The following CACNA2D4 variants were observed in gnomAD, a reference collection of about 807,000 sequenced individuals.
CACNA2D4 encodes the protein voltage-dependent calcium channel subunit alpha-2/delta-4.
Under a neutral mutation model 163.8 loss-of-function variants are expected in CACNA2D4, and 157 were observed. The observed-to-expected ratio is 0.96, with a 90% CI of 0.84 to 1.09. The LOEUF (loss-of-function observed/expected upper bound fraction) is 1.09. CACNA2D4 is among the 50% of genes least tolerant of loss of function. CACNA2D4 has a pLI of 0.00. For synonymous variants in CACNA2D4, 598 were observed against 586.9 expected (o/e 1.02, Z -0.27); for missense variants, 1,410 against 1,479.9 (o/e 0.95, Z 0.78).
chr12:1,903,094 G>A (rs1375405194), intron 6 of CACNA2D4, among the ~76,000 whole-genome samples: 3 of 152,080 alleles, frequency 2.0e-5, no homozygotes, highest in Non-Finnish European at 4.4e-5. Context: ...CTACAAAGGT[G>A]CCAAGTACAC....
intron 26 of CACNA2D4, among the ~76,000 whole-genome samples, chr12:1,817,316 G>C (rs1863907540): frequency 6.6e-6 from 1 of 152,206 alleles, no homozygotes; most frequent in African/African-American, 2.4e-5. Context: ...AGAGTCTGGA[G>C]TCTGGGTCCC....
intron 26 of CACNA2D4, among the ~76,000 whole-genome samples, chr12:1,821,923 A>T (rs1864120189): frequency 6.7e-6 from 1 of 149,106 alleles, no homozygotes; most frequent in Admixed American, 6.7e-5. Flanking sequence ...CTCAGATGAC[A>T]CCCCTGCAGC....
At chr12:1,811,783 A>T in intron 26 of CACNA2D4, 60 bp from the exon 27 acceptor site, 1 of 1,506,594 alleles carries the variant, frequency 6.6e-7, no homozygotes, top group Non-Finnish European at 9.0e-7. Context: ...AAAAAAATAG[A>T]GTCAAGTTAA....
chr12:1,804,153 G>A (rs1863436479), intron 29 of CACNA2D4, among the ~76,000 whole-genome samples: 2 of 151,824 alleles, frequency 1.3e-5, no homozygotes, highest in Middle Eastern at 3.4e-3. Context: ...GTGTGTGTGT[G>A]TGTGTGTGTG....
chr12:1,896,525 C>T (rs914301733), intron 6 of CACNA2D4, among the ~76,000 whole-genome samples: 1 of 151,686 alleles, frequency 6.6e-6, no homozygotes, highest in African/African-American at 2.4e-5. Context: ...AAAAAATGCT[C>T]AATATCACGA....
chr12:1,811,805 G>A (rs1395600911), intron 26 of CACNA2D4, 82 bp from the exon 27 acceptor site: 6 of 1,342,674 alleles, frequency 4.5e-6, no homozygotes, highest in Middle Eastern at 1.8e-4. Context: ...GAGAGGAGGT[G>A]CTTCCGCAGG....
At chr12:1,882,822 A>G in intron 13 of CACNA2D4, 45 bp downstream of exon 13, 1 of 1,608,780 alleles carries the variant, frequency 6.2e-7, no homozygotes. Context: ...GGGGTCCCTA[A>G]CTCTGAGGTG....
rs961730912 is a variant in CACNA2D4 at position 1,811,721 on chromosome 12, C to T, written c.2554G>A (p.Ala852Thr). Residue 852 changes from alanine to threonine, a missense_variant and splice_region_variant, in exon 27 of 38, where the codon GCG (alanine) becomes ACG (threonine). By Grantham distance (58) the Ala-to-Thr change is moderately conservative (BLOSUM62 0). Coordinates refer to ENST00000382722, the MANE Select transcript of CACNA2D4 (RefSeq NM_172364.5). ...AATTCCAGCTTCATTTGGACGCCCG[C>T]GGCTACAGGGCAGAAAGAGAGAGGG... is the stretch of plus-strand genomic sequence containing the variant. The part of the protein sequence containing the change: ...VDKRTAIAAA[A>T]GVQMKLEFLQ... 30 of 1,558,538 alleles carry T rather than the reference C, an allele frequency of 1.9e-5. No homozygotes were observed. Among genetic ancestry groups the T allele is most frequent in the Admixed American group, 1.9e-4 (10 of 52,300 alleles).
chr12:1,827,993 A>G (rs1864424657), intron 26 of CACNA2D4: 2 of 527,678 alleles, frequency 3.8e-6, no homozygotes, highest in East Asian at 3.3e-5. Context: ...GAGTGTAAAG[A>G]GACACCCGGG....
chr12:1,889,853 A>G (rs1346305712), intron 6 of CACNA2D4, among the ~76,000 whole-genome samples: 1 of 152,238 alleles, frequency 6.6e-6, no homozygotes, highest in Non-Finnish European at 1.5e-5. Context: ...ATAGACTTCA[A>G]GATGGCTGAC....
chr12:1,795,293 C>T lies in CACNA2D4; in HGVS notation c.3309+6G>A, dbSNP rs778274349. ...CAGCCCACCCTCGATCCGCCTCAAC[C>T]CGCACCTCTGGATGGAAGGCGTGGC... On this transcript the variant is annotated splice_donor_region_variant and intron_variant, in intron 37 of 37. Transcript: ENST00000382722. The T allele has an allele frequency of 8.1e-6, 13 of 1,612,910 alleles. No homozygotes were observed. Among genetic ancestry groups the T allele is most frequent in the African/African-American group, 8.0e-5 (6 of 74,924 alleles).
At position 1,828,858 on chromosome 12, in the gene CACNA2D4, C is replaced by T. The variant is rs1864487083; in HGVS notation, c.2551+11881G>A. ...AATGAAGGCAACACTTGGCAGCTGT[C>T]AGGGTGAAAGGAGCCCTGAGAATTC... is the stretch of plus-strand genomic sequence containing the variant. On this transcript the variant is annotated intron_variant, in intron 26 of 37. Transcript: ENST00000382722. This position sits in a 1 kb window ranked among gnomAD's most constrained non-coding sequence, Gnocchi z 4.2. Among the ~76,000 whole-genome samples, 1 of 152,166 alleles carries T rather than the reference C, an allele frequency of 6.6e-6. No individual in the cohort carries two copies. The highest frequency in any genetic ancestry group is 1.5e-5 in the Non-Finnish European group (1 of 68,046).
chr12:1,826,124 T>C (rs926807128), intron 26 of CACNA2D4, among the ~76,000 whole-genome samples: 6 of 152,016 alleles, frequency 3.9e-5, no homozygotes, highest in Non-Finnish European at 8.8e-5. Context: ...GCCGTCACAA[T>C]AGACCTGCTG....
chr12:1,831,603 G>A, intron 26 of CACNA2D4: 4 of 1,264,600 alleles, frequency 3.2e-6, no homozygotes, highest in Non-Finnish European at 4.5e-6. Context: ...CCTGGTGGCT[G>A]GGTGCTGACT....
At chr12:1,914,777 C>T in intron 2 of CACNA2D4, 77 bp downstream of exon 2, 1 of 957,328 alleles carries the variant, frequency 1.0e-6, no homozygotes, top group South Asian at 1.3e-5. Context: ...AGGCCCCTCA[C>T]AGCACCGGCA....
At chr12:1,795,569 G>T in intron 36 of CACNA2D4, 99 bp downstream of exon 36, 2 of 958,136 alleles carry the variant, frequency 2.1e-6, no homozygotes, top group Non-Finnish European at 1.7e-6. Flanking sequence ...GGACACGGGC[G>T]GTGAAGGAGG....
Position 1,875,281 on chromosome 12 carries a change from G to A in CACNA2D4, c.1776C>T (p.Ser592=), listed in dbSNP as rs1453615528. 11 of 1,587,872 alleles carry A rather than the reference G, an allele frequency of 6.9e-6. No homozygotes were observed. The highest frequency in any genetic ancestry group is 3.5e-5 in the Admixed American group (2 of 57,908). The change falls in exon 17 of 38, where the codon TCC becomes TCT. Residue 592 remains serine (S), a synonymous_variant. Transcript: ENST00000382722. This position sits in a 1 kb window ranked among gnomAD's most constrained non-coding sequence, Gnocchi z 4.0. Reference sequence around the variant, plus strand: ...CAGCCTGGTCTTCCCACTCCACTTCGGAGAGATCCACACTGTTGTAGTTAG... The same window carrying A: ...CAGCCTGGTCTTCCCACTCCACTTCAGAGAGATCCACACTGTTGTAGTTAG... ...PKPNYNSVDL[S]EVEWEDQAES...
At chr12:1,830,979 A>C (rs1298272121) in intron 26 of CACNA2D4, 4 of 1,613,270 alleles carry the variant, frequency 2.5e-6, no homozygotes, top group Non-Finnish European at 3.4e-6. Flanking sequence ...GGCCCTCCCC[A>C]CCTGCCCTTT....
rs1297103277 is a variant in CACNA2D4 at position 1,829,670 on chromosome 12, C to T, written c.2551+11069G>A. Among the ~76,000 whole-genome samples, 1 of 150,720 alleles carries T rather than the reference C, an allele frequency of 6.6e-6. No homozygotes were observed. Among genetic ancestry groups the T allele is most frequent in the Non-Finnish European group, 1.5e-5 (1 of 67,640 alleles). On this transcript the variant is annotated intron_variant, in intron 26 of 37. Transcript: ENST00000382722. The surrounding 1 kb of genome is among the most constrained non-coding windows in gnomAD (Gnocchi z 4.2). The stretch of plus-strand genomic sequence containing the variant: ...CTACTGGACAAGACTCAAGGCTGTT[C>T]AGACCCAGCTCACAGCCCATCGGCC...
Sources: allele counts gnomAD v4.1 joint callset (sites outside exome capture counted in the v4.1 genomes callset), GRCh38; gene constraint gnomAD v4.1.1; non-coding constraint Gnocchi (gnomAD v3.1); transcripts MANE v1.5; gene names NCBI Gene and HGNC (gene_info 2026-07-23, HGNC 2026-07-21).